The following TRIO variants were observed in gnomAD, a reference collection of about 807,000 sequenced individuals.
The protein encoded by TRIO is trio Rho guanine nucleotide exchange factor, also known as triple functional domain protein.
In TRIO, 58 loss-of-function variants were observed where a neutral mutation model predicts 351.9. That is an observed-to-expected ratio of 0.16 (90% CI 0.13 to 0.21). TRIO has a LOEUF of 0.21. TRIO is among the 10% of genes least tolerant of loss of function. The pLI is 1.00. For synonymous variants in TRIO, 1,758 were observed against 1,595.7 expected, an observed-to-expected ratio of 1.10 and a Z score of -2.42; for missense variants, 3,201 against 4,027.8, an observed-to-expected ratio of 0.79 and a Z score of 5.56.
In TRIO at chr5:14,492,825, G is replaced by T; in HGVS notation, c.7880+11G>T. The stretch of plus-strand genomic sequence containing the variant: ...GGACGGGACTCTCAAGTGAGTGCTT[G>T]ACAGTAACGGCGTCCTGGCAGGCAG... On this transcript the variant is annotated intron_variant, in intron 49 of 56. Coordinates refer to ENST00000344204, the MANE Select transcript of TRIO (RefSeq NM_007118.4). The T allele has an allele frequency of 6.2e-7, 1 of 1,609,560 alleles. No homozygotes were observed. The highest frequency in any genetic ancestry group is 1.1e-5 in the South Asian group (1 of 91,000).
At chr5:14,459,587 A>G (rs1579718507) in intron 34 of TRIO, among the ~76,000 whole-genome samples, 1 of 152,188 alleles carries the variant, frequency 6.6e-6, no homozygotes, top group East Asian at 1.9e-4. Flanking sequence ...TTTGAATACA[A>G]AAATTAGCTG....
chr5:14,403,258 GGTGAGGGTGCAGGTT>G (rs2152377439), intron 31 of TRIO, among the ~76,000 whole-genome samples: 1 of 141,646 alleles, frequency 7.1e-6, no homozygotes, highest in South Asian at 2.4e-4. Context: ...TACAGGTGGT[GGTGAGGGTGCAGGTT>G]GTGGTGAGGG....
chr5:14,181,105 T>G lies in TRIO; in HGVS notation c.157+37223T>G, dbSNP rs1789739015. Among the ~76,000 whole-genome samples the G allele has an allele frequency of 2.6e-5, 4 of 151,650 alleles. No individual in the cohort carries two copies. In the South Asian group the frequency reaches 8.3e-4, roughly 32 times the overall value. On this transcript the variant is annotated intron_variant, in intron 1 of 56. Coordinates refer to ENST00000344204, the MANE Select transcript of TRIO (RefSeq NM_007118.4). ...CTACAATGTATTTTTTTTTGTTTCA[T>G]TCTTCTATTAGCTGTATTTCTTAGG...
chr5:14,505,650 A>G (rs1320278127), intron 55 of TRIO, among the ~76,000 whole-genome samples: 1 of 151,998 alleles, frequency 6.6e-6, no homozygotes, highest in Non-Finnish European at 1.5e-5. Context: ...ATGCCTCCCC[A>G]TACCCTTCCT....
Position 14,498,182 on chromosome 5 carries a change from C to A in TRIO, c.8141C>A (p.Ala2714Asp). Reference protein sequence around the residue: ...LRCRVCGRPKASITWKGPEHN... With the variant: ...LRCRVCGRPKDSITWKGPEHN... ...TGTCGAGTCTGTGGCCGCCCCAAAGCCTCAATTACCTGGAAGGGCCCTGAA... is the reference window on the plus strand; with the variant it reads ...TGTCGAGTCTGTGGCCGCCCCAAAGACTCAATTACCTGGAAGGGCCCTGAA... Residue 2714 changes from alanine (A) to aspartate (D), a missense_variant, in exon 52 of 57, where the codon GCC becomes GAC. Ala to Asp is a moderately radical substitution (Grantham distance 126). This residue lies in a region of TRIO where 1,089 missense variants were observed against 954.9 expected (regional missense o/e 1.14). Coordinates refer to ENST00000344204, the MANE Select transcript of TRIO (RefSeq NM_007118.4). 2 of 1,614,192 alleles carry A rather than the reference C, an allele frequency of 1.2e-6. No homozygotes were observed. The highest frequency in any genetic ancestry group is 1.7e-6 in the Non-Finnish European group (2 of 1,180,034).
chr5:14,224,961 A>G (rs1435449433), intron 1 of TRIO, among the ~76,000 whole-genome samples: 1 of 152,152 alleles, frequency 6.6e-6, no homozygotes, highest in Non-Finnish European at 1.5e-5. Flanking sequence ...CACCTCCCTG[A>G]GCCTTCGTTC....
rs772557476 is a variant in TRIO, at chr5:14,476,969, C to T, written c.6153+6C>T. 6.2e-7 allele frequency: 1 copy of T among 1,612,502 alleles called. No homozygotes were observed. The highest frequency in any genetic ancestry group is 1.1e-5 in the South Asian group (1 of 90,986). On this transcript the variant is annotated splice_donor_region_variant and intron_variant, in intron 41 of 56. Coordinates refer to ENST00000344204, the MANE Select transcript of TRIO (RefSeq NM_007118.4). Reference sequence around the variant, plus strand: ...GATCCCTTTTTGTTAAACACGTAAGCACAATAGCATTGCTTATATCCTGTT... The same window carrying T: ...GATCCCTTTTTGTTAAACACGTAAGTACAATAGCATTGCTTATATCCTGTT...
intron 27 of TRIO, among the ~76,000 whole-genome samples, 196 bp downstream of exon 27, chr5:14,391,186 C>T (rs1217126697): frequency 6.6e-6 from 1 of 152,110 alleles, no homozygotes; most frequent in African/African-American, 2.4e-5. Flanking sequence ...TACACAAATA[C>T]TGGAAGCCTT....
Position 14,419,799 on chromosome 5 carries a change from A to C in TRIO, c.4981A>C (p.Thr1661Pro). Reference protein sequence around the residue: ...SDKLSGGCELTVVIHDFTACN... With the variant: ...SDKLSGGCELPVVIHDFTACN... Reference sequence around the variant, plus strand: ...CCAGCTCTCTGGTGGCTGTGAGCTGACAGTGGTGATCCATGACTTCACCGC... The same window carrying C: ...CCAGCTCTCTGGTGGCTGTGAGCTGCCAGTGGTGATCCATGACTTCACCGC... The change falls in exon 34 of 57, where the codon ACA (threonine) becomes CCA (proline). Residue 1661 changes from threonine to proline, a missense_variant. This residue lies in a region of TRIO where 136 missense variants were observed against 229.5 expected (regional missense o/e 0.59). Coordinates refer to ENST00000344204, the MANE Select transcript of TRIO (RefSeq NM_007118.4). The C allele has an allele frequency of 6.2e-7, 1 of 1,614,128 alleles. No homozygotes were observed. The highest frequency in any genetic ancestry group is 8.5e-7 in the Non-Finnish European group (1 of 1,180,026).
chr5:14,171,583 TACA>T (rs1229385504), intron 1 of TRIO, among the ~76,000 whole-genome samples: 2 of 152,150 alleles, frequency 1.3e-5, no homozygotes, highest in African/African-American at 4.8e-5. Context: ...CCGGTGGAGG[TACA>T]GATGGATATC....
chr5:14,325,381 C>T (rs1305655163), intron 9 of TRIO, among the ~76,000 whole-genome samples: 1 of 152,228 alleles, frequency 6.6e-6, no homozygotes, highest in Non-Finnish European at 1.5e-5. Context: ...AGGCTGCTTC[C>T]ACTCAGCATG....
chr5:14,270,909 A>G lies in TRIO; in HGVS notation c.232+10A>G, dbSNP rs969376239. 1 of 1,600,824 alleles carries G rather than the reference A, an allele frequency of 6.2e-7. No individual in the cohort carries two copies. The highest frequency in any genetic ancestry group is 8.6e-7 in the Non-Finnish European group (1 of 1,168,110). On this transcript the variant is annotated intron_variant, in intron 2 of 56. Coordinates refer to ENST00000344204, the MANE Select transcript of TRIO (RefSeq NM_007118.4). Reference sequence around the variant, plus strand: ...GTTGCATACCTTTCAGGTAAAGTTTAACTTTCAACTCTGCTCTATCCAACT... The same window carrying G: ...GTTGCATACCTTTCAGGTAAAGTTTGACTTTCAACTCTGCTCTATCCAACT...
chr5:14,473,990 G>T lies in TRIO; in HGVS notation c.5980-4G>T, dbSNP rs767633648. On this transcript the variant is annotated splice_polypyrimidine_tract_variant and splice_region_variant and intron_variant, in intron 39 of 56. Transcript: ENST00000344204. ...ATACACTTATCATAACTGTTTAATT[G>T]TAGGGCTACATGGCACTTATGAAAG... 6.2e-7 allele frequency: 1 copy of T among 1,610,482 alleles called. No individual in the cohort carries two copies. Among genetic ancestry groups the T allele is most frequent in the South Asian group, 1.1e-5 (1 of 90,900 alleles).
chr5:14,254,113 A>G (rs1231955924), intron 1 of TRIO, among the ~76,000 whole-genome samples: 1 of 152,192 alleles, frequency 6.6e-6, no homozygotes, highest in Non-Finnish European at 1.5e-5. Flanking sequence ...TATTAGGTGG[A>G]CAGAATAGTA....
Position 14,472,622 on chromosome 5 carries a change from G to A in TRIO, c.5943G>A (p.Glu1981=), listed in dbSNP as rs1380691398. 1.9e-6 allele frequency: 3 copies of A among 1,614,146 alleles called. No individual in the cohort carries two copies. Among genetic ancestry groups the A allele is most frequent in the Admixed American group, 3.3e-5 (2 of 60,034 alleles). ...HYVLQELVET[E]RDYVRDLGYV... ...TTTTGCAAGAACTAGTGGAGACAGA[G>A]CGTGACTATGTGCGGGACCTTGGCT... Residue 1981 remains glutamate, a synonymous_variant, in exon 39 of 57, where the codon GAG becomes GAA. Coordinates refer to ENST00000344204, the MANE Select transcript of TRIO (RefSeq NM_007118.4).
At chr5:14,247,754 A>G (rs1218935111) in intron 1 of TRIO, among the ~76,000 whole-genome samples, 1 of 152,212 alleles carries the variant, frequency 6.6e-6, no homozygotes, top group Non-Finnish European at 1.5e-5. Flanking sequence ...AATTAAATAT[A>G]GAGAGGGAAG....
rs377718879 is a variant in TRIO at position 14,149,016 on chromosome 5, T to C, written c.157+5134T>C. 2.4e-4 allele frequency among the ~76,000 whole-genome samples: 36 copies of C among 152,356 alleles called. No homozygotes were observed. The East Asian group carries it at 6.0e-3, about 25-fold the overall frequency. ...GAACAGGGAGACTTCCCAGTGACCC[T>C]TGCACTTGGGAATTCTGGCTGCTGT... On this transcript the variant is annotated intron_variant, in intron 1 of 56. Coordinates refer to ENST00000344204, the MANE Select transcript of TRIO (RefSeq NM_007118.4).
At chr5:14,331,272 G>T (rs1216300280) in intron 10 of TRIO, among the ~76,000 whole-genome samples, 1 of 152,208 alleles carries the variant, frequency 6.6e-6, no homozygotes, top group African/African-American at 2.4e-5. Context: ...TTCTTTAAAT[G>T]TGTGGGCTTA....
At chr5:14,194,133 C>G (rs1790616137) in intron 1 of TRIO, among the ~76,000 whole-genome samples, 1 of 152,174 alleles carries the variant, frequency 6.6e-6, no homozygotes, top group African/African-American at 2.4e-5. Flanking sequence ...TCAAATTGTA[C>G]CCATTACTCG....
Sources: gnomAD v4.1 joint callset for allele counts (sites outside exome capture counted in the v4.1 genomes callset) on GRCh38, gnomAD v4.1.1 for gene constraint, gnomAD v4.1.1 regional missense constraint, MANE v1.5 for transcripts, NCBI Gene and HGNC (gene_info 2026-07-23, HGNC 2026-07-21) for gene names.